FRMD3: variants seen among roughly 807,000 people sequenced by gnomAD.
FRMD3 encodes FERM domain-containing protein 3.
FRMD3 carries 33 observed loss-of-function variants against 70.2 expected under a neutral mutation model. That is an observed-to-expected ratio of 0.47 (90% CI 0.36 to 0.63). FRMD3 has a LOEUF of 0.63. FRMD3 is among the 20% of genes least tolerant of loss of function. The pLI is 0.00. For missense variants in FRMD3, 632 were observed against 711.4 expected, an observed-to-expected ratio of 0.89 and a Z score of 1.27; for synonymous variants, 279 against 255.9, an observed-to-expected ratio of 1.09 and a Z score of -0.86.
At chr9:83,351,323 T>TACACACACACACACAC (rs56407249) in intron 3 of FRMD3, among the ~76,000 whole-genome samples, 11,851 of 143,678 alleles carry the variant, frequency 0.082, 676 homozygotes, top group Non-Finnish European at 0.1. Context: ...AAACTGATCA[T>TACACACACACACACAC]ACACACACAC....
chr9:83,393,946 G>GTTT (rs150546083), intron 1 of FRMD3, among the ~76,000 whole-genome samples: 9 of 147,280 alleles, frequency 6.1e-5, no homozygotes, highest in African/African-American at 1.5e-4. Context: ...TTTTGTTGTT[G>GTTT]TTGTTTTTTT....
chr9:83,251,259 C>T (rs1563973511), intron 13 of FRMD3, among the ~76,000 whole-genome samples: 1 of 152,178 alleles, frequency 6.6e-6, no homozygotes, highest in Non-Finnish European at 1.5e-5. Flanking sequence ...CACCAGCAAA[C>T]TGCAGCAGCC....
chr9:83,343,454 G>A (rs184034950), intron 4 of FRMD3, among the ~76,000 whole-genome samples, 167 bp from the exon 5 acceptor site: 3 of 152,084 alleles, frequency 2.0e-5, no homozygotes, highest in African/African-American at 4.8e-5. Context: ...GCTGAGAGGG[G>A]CCCTCTGAAT....
chr9:83,499,946 A>G (rs11140129), intron 1 of FRMD3, among the ~76,000 whole-genome samples: 3,313 of 152,344 alleles, frequency 0.022, 70 homozygotes, highest in South Asian at 0.038. Context: ...TCAAGCCACA[A>G]AAAGACCTGG....
intron 1 of FRMD3, among the ~76,000 whole-genome samples, chr9:83,511,365 G>A (rs1056925911): frequency 2.0e-5 from 3 of 152,194 alleles, no homozygotes; most frequent in Non-Finnish European, 4.4e-5. Context: ...AGGCTGAGAA[G>A]GAGGGAGTTA....
chr9:83,480,850 G>C (rs939106159), intron 1 of FRMD3, among the ~76,000 whole-genome samples: 4 of 152,150 alleles, frequency 2.6e-5, no homozygotes, highest in African/African-American at 9.7e-5. Flanking sequence ...TTTTATATAA[G>C]GGACTTGAGC....
chr9:83,280,697 T>A (rs1423362975), intron 13 of FRMD3, among the ~76,000 whole-genome samples: 1 of 152,244 alleles, frequency 6.6e-6, no homozygotes, highest in Non-Finnish European at 1.5e-5. Flanking sequence ...ATTGCATATT[T>A]ATTTATAAAT....
upstream of FRMD3, among the ~76,000 whole-genome samples, chr9:83,540,297 C>T (rs546891934): frequency 1.5e-3 from 222 of 152,328 alleles, 1 homozygote; most frequent in Non-Finnish European, 2.5e-3. Context: ...CACACACACA[C>T]TTGTCCATCC....
rs1005192514 is a variant in FRMD3 at position 83,317,149 on chromosome 9, A to G, written c.597-3402T>C. Among the ~76,000 whole-genome samples, 4 of 151,826 alleles carry G rather than the reference A, an allele frequency of 2.6e-5. No homozygotes were observed. The East Asian group carries it at 5.8e-4, about 22-fold the overall frequency. On this transcript the variant is annotated intron_variant, in intron 6 of 13. Transcript: ENST00000304195. ...CTGTCTTAAAAAAAAAATACAGAAA[A>G]CAAACTTATTGAATTCACATATTAT...
In FRMD3 at chr9:83,527,505, C is replaced by T. The variant is rs576293818; in HGVS notation, c.147+10580G>A. Among the ~76,000 whole-genome samples, 11 of 152,260 alleles carry T rather than the reference C, an allele frequency of 7.2e-5. No homozygotes were observed. In the South Asian group the frequency reaches 2.3e-3, roughly 32 times the overall value. On this transcript the variant is annotated intron_variant, in intron 1 of 13. Transcript: ENST00000304195. ...GGAGGAACAAAAGGAACAGACTCCT[C>T]CACTCGAGGAACTTAACAATATTAT...
At chr9:83,254,571 A>C (rs1043120595) in intron 13 of FRMD3, among the ~76,000 whole-genome samples, 1 of 152,014 alleles carries the variant, frequency 6.6e-6, no homozygotes, top group Non-Finnish European at 1.5e-5. Flanking sequence ...TAAAAAAAAA[A>C]ATTCAAAAAG....
chr9:83,302,365 C>A (rs1234015635), intron 10 of FRMD3, among the ~76,000 whole-genome samples: 1 of 152,166 alleles, frequency 6.6e-6, no homozygotes, highest in African/African-American at 2.4e-5. Context: ...CCTAGGATGA[C>A]CCAAGAGGTG....
At chr9:83,243,295 T>C, downstream of FRMD3, 1 of 1,385,738 alleles carries the variant, frequency 7.2e-7, no homozygotes, top group Non-Finnish European at 1.0e-6. Flanking sequence ...AGCAGCGACC[T>C]TCAGCACATT....
intron 1 of FRMD3, among the ~76,000 whole-genome samples, chr9:83,507,125 C>T (rs1390835862): frequency 6.6e-6 from 1 of 152,072 alleles, no homozygotes; most frequent in African/African-American, 2.4e-5. Context: ...CTTTGGGAGG[C>T]CAAGGCGGGT....
chr9:83,415,122 T>G (rs1369804751), intron 1 of FRMD3, among the ~76,000 whole-genome samples: 1 of 152,186 alleles, frequency 6.6e-6, no homozygotes, highest in Non-Finnish European at 1.5e-5. Context: ...AAAATCAGCC[T>G]GAGGCAACCT....
At chr9:83,346,994 A>T (rs1707256704) in intron 4 of FRMD3, among the ~76,000 whole-genome samples, 2 of 152,210 alleles carry the variant, frequency 1.3e-5, no homozygotes, top group South Asian at 4.1e-4. Flanking sequence ...AAATACCATG[A>T]AGTTTCTTTT....
chr9:83,481,729 G>A, intron 1 of FRMD3, among the ~76,000 whole-genome samples: 1 of 152,014 alleles, frequency 6.6e-6, no homozygotes, highest in Admixed American at 6.6e-5. Flanking sequence ...GAAAAGAGGG[G>A]TCACCAAACT....
chr9:83,506,348 G>A (rs1829181439), intron 1 of FRMD3, among the ~76,000 whole-genome samples: 1 of 152,110 alleles, frequency 6.6e-6, no homozygotes, highest in Non-Finnish European at 1.5e-5. Flanking sequence ...GAAATATGTT[G>A]TTAGGCAATT....
chr9:83,500,502 G>GCACACACACACACACA (rs3084172), intron 1 of FRMD3, among the ~76,000 whole-genome samples: 3 of 143,714 alleles, frequency 2.1e-5, no homozygotes, highest in African/African-American at 7.7e-5. Context: ...GTGTATGCGC[G>GCACACACACACACACA]CACACACACA....
Sources: allele counts gnomAD v4.1 joint callset (sites outside exome capture counted in the v4.1 genomes callset), GRCh38; gene constraint gnomAD v4.1.1; transcripts MANE v1.5; gene names NCBI Gene and HGNC (gene_info 2026-07-23, HGNC 2026-07-21).